PALM2AKAP2: variants seen among roughly 807,000 people sequenced by gnomAD.
PALM2AKAP2 encodes PALM2-AKAP2 fusion protein.
PALM2AKAP2 carries 37 observed loss-of-function variants against 71.5 expected under a neutral mutation model. The ratio of observed to expected loss-of-function variants is 0.52; its 90% CI spans 0.40 to 0.68. The LOEUF (loss-of-function observed/expected upper bound fraction) is 0.68. Ranked by LOEUF, PALM2AKAP2 falls within the 30% of genes least tolerant of loss-of-function variation. The probability of loss-of-function intolerance (pLI) is 0.00; values close to 1 mark genes in which losing one functional copy is unlikely to be tolerated. For synonymous variants in PALM2AKAP2, 468 were observed against 478.8 expected, an observed-to-expected ratio of 0.98 and a Z score of 0.29; for missense variants, 1,224 against 1,191.8, an observed-to-expected ratio of 1.03 and a Z score of -0.40.
chr9:110,159,927 C>G (rs568449025), intron 3 of PALM2AKAP2, among the ~76,000 whole-genome samples: 1 of 152,344 alleles, frequency 6.6e-6, no homozygotes, highest in African/African-American at 2.4e-5. Flanking sequence ...AGAACTTGAG[C>G]AAAGTACTCC....
intron 1 of PALM2AKAP2, among the ~76,000 whole-genome samples, chr9:109,685,790 T>C (rs1458407959): frequency 6.6e-6 from 1 of 152,128 alleles, no homozygotes; most frequent in African/African-American, 2.4e-5. Context: ...ACAACAATGA[T>C]GTTTGCTGCA....
chr9:110,103,174 C>A (rs1588110921), intron 1 of PALM2AKAP2, among the ~76,000 whole-genome samples: 1 of 152,174 alleles, frequency 6.6e-6, no homozygotes, highest in East Asian at 1.9e-4. Flanking sequence ...CTCATAGATG[C>A]AATTTTACGT....
intron 1 of PALM2AKAP2, among the ~76,000 whole-genome samples, chr9:110,098,159 G>A (rs1047718178): frequency 1.3e-5 from 2 of 150,150 alleles, no homozygotes; most frequent in Non-Finnish European, 3.0e-5. Context: ...TGGAAAGAGG[G>A]GAGAGGGGAG....
intron 1 of PALM2AKAP2, among the ~76,000 whole-genome samples, chr9:109,753,151 C>T (rs1828910001): frequency 6.6e-6 from 1 of 152,086 alleles, no homozygotes; most frequent in South Asian, 2.1e-4. Flanking sequence ...ATTCAAAGCC[C>T]ATGTTCATTT....
intron 1 of PALM2AKAP2, among the ~76,000 whole-genome samples, chr9:110,096,792 G>GC (rs927187911): frequency 6.6e-6 from 1 of 150,516 alleles, no homozygotes; most frequent in Non-Finnish European, 1.5e-5. Flanking sequence ...TGGGGGGTTG[G>GC]GGGGGGGTGA....
chr9:110,053,394 G>A (rs987991815), intron 1 of PALM2AKAP2, among the ~76,000 whole-genome samples: 1 of 151,958 alleles, frequency 6.6e-6, no homozygotes, highest in Non-Finnish European at 1.5e-5. Context: ...CAGGTGTGGT[G>A]GCAGGTGCCT....
chr9:109,951,725 T>A (rs1831646306), intron 6 of PALM2AKAP2, among the ~76,000 whole-genome samples: 1 of 152,194 alleles, frequency 6.6e-6, no homozygotes, highest in South Asian at 2.1e-4. Flanking sequence ...TAATAATGTC[T>A]CCAGGTGATT....
At chr9:109,936,882 T>C (rs1379985489) in intron 6 of PALM2AKAP2, among the ~76,000 whole-genome samples, 2 of 152,212 alleles carry the variant, frequency 1.3e-5, no homozygotes, top group Non-Finnish European at 2.9e-5. Flanking sequence ...CTCAGCCTGT[T>C]CCTCCTCCCG....
intron 6 of PALM2AKAP2, among the ~76,000 whole-genome samples, chr9:109,952,074 A>G (rs561704482): frequency 6.6e-6 from 1 of 152,360 alleles, no homozygotes; most frequent in Admixed American, 6.5e-5. Flanking sequence ...TAGTTTTTCA[A>G]TAAATGGCCA....
intron 1 of PALM2AKAP2, among the ~76,000 whole-genome samples, chr9:109,772,701 T>A (rs909434192): frequency 2.0e-5 from 3 of 152,240 alleles, no homozygotes; most frequent in Non-Finnish European, 4.4e-5. Flanking sequence ...CAGGTGGTGC[T>A]GGCATTTTCA....
intron 1 of PALM2AKAP2, among the ~76,000 whole-genome samples, chr9:109,857,138 C>T (rs1191289238): frequency 6.6e-6 from 1 of 152,202 alleles, no homozygotes; most frequent in Non-Finnish European, 1.5e-5. Context: ...CCAGTGGATC[C>T]TTCTGCCCCT....
At chr9:109,755,913 A>G (rs371684634) in intron 1 of PALM2AKAP2, among the ~76,000 whole-genome samples, 3 of 152,144 alleles carry the variant, frequency 2.0e-5, no homozygotes, top group Non-Finnish European at 2.9e-5. Flanking sequence ...AAATGGCAGC[A>G]CAATCTTTTA....
chr9:110,007,603 A>AG (rs200603154), intron 6 of PALM2AKAP2, among the ~76,000 whole-genome samples: 2,087 of 152,252 alleles, frequency 0.014, 47 homozygotes, highest in African/African-American at 0.048. Context: ...GGAATTTTCA[A>AG]GGGGAGTTTT....
intron 6 of PALM2AKAP2, among the ~76,000 whole-genome samples, chr9:110,007,740 C>T (rs1310711515): frequency 2.0e-5 from 3 of 152,138 alleles, no homozygotes; most frequent in Admixed American, 6.6e-5. Flanking sequence ...TCACGAAAGG[C>T]TAATAATTGG....
At chr9:109,719,109 C>CT (rs1192765872) in intron 1 of PALM2AKAP2, among the ~76,000 whole-genome samples, 4 of 152,130 alleles carry the variant, frequency 2.6e-5, no homozygotes, top group Admixed American at 1.3e-4. Flanking sequence ...TTGAAAATTA[C>CT]TTAATTCATC....
intron 1 of PALM2AKAP2, among the ~76,000 whole-genome samples, chr9:110,110,532 T>C (rs1327776): frequency 0.42 from 61,955 of 147,586 alleles, 13,604 homozygotes; most frequent in African/African-American, 0.5. Context: ...TGCATTCATG[T>C]TTCTGAACTC....
intron 1 of PALM2AKAP2, among the ~76,000 whole-genome samples, chr9:109,652,862 T>C (rs1040236987): frequency 2.0e-5 from 3 of 152,214 alleles, no homozygotes; most frequent in Non-Finnish European, 4.4e-5. Context: ...TTTGATGGAA[T>C]ACTATCTGTC....
At position 109,878,501 on chromosome 9, in the gene PALM2AKAP2, A is replaced by G. The variant is rs114961526; in HGVS notation, c.127-2050A>G. On this transcript the variant is annotated intron_variant, in intron 2 of 9. Coordinates refer to the PALM2AKAP2 transcript ENST00000302798. ...AAGAGTAATCAAAGAGATCTCTACA[A>G]ACAATGATTTGTAATGAAAAGGCAA... Among the ~76,000 whole-genome samples the G allele has an allele frequency of 6.7e-3, 1,022 of 152,346 alleles. 11 individuals carry two copies. The highest frequency in any genetic ancestry group is 0.023 in the African/African-American group (966 of 41,574).
intron 1 of PALM2AKAP2, among the ~76,000 whole-genome samples, chr9:110,062,023 C>T (rs114672002): frequency 0.018 from 2,484 of 140,812 alleles, 304 homozygotes; most frequent in African/African-American, 0.074. Flanking sequence ...AGCTTGTTGT[C>T]TCCTTTTACT....
Sources: allele counts gnomAD v4.1 joint callset (sites outside exome capture counted in the v4.1 genomes callset), GRCh38; gene constraint gnomAD v4.1.1; transcripts MANE v1.5; gene names NCBI Gene and HGNC (gene_info 2026-07-23, HGNC 2026-07-21).